Variants in GPM6A observed in about 807,000 individuals in gnomAD.
The protein encoded by GPM6A is glycoprotein M6A, also known as neuronal membrane glycoprotein M6-a.
Under a neutral mutation model 32.1 loss-of-function variants are expected in GPM6A, and 7 were observed. The ratio of observed to expected loss-of-function variants is 0.22; its 90% CI spans 0.12 to 0.41. The LOEUF is 0.41. Ranked by LOEUF, GPM6A falls within the 10% of genes least tolerant of loss-of-function variation. The pLI, the probability that GPM6A is intolerant of heterozygous loss-of-function variation, is 1.00. For synonymous variants in GPM6A, 130 were observed against 123.4 expected (o/e 1.05, Z -0.35); for missense variants, 235 against 347.2 (o/e 0.68, Z 2.57).
At chr4:175,663,359 C>T (rs1007625412) in intron 3 of GPM6A, among the ~76,000 whole-genome samples, 4 of 152,120 alleles carry the variant, frequency 2.6e-5, no homozygotes, top group Non-Finnish European at 2.9e-5. Flanking sequence ...TTAGTCCATG[C>T]TAAAAAGAAG....
chr4:175,846,154 T>G (rs569596709), intron 1 of GPM6A, among the ~76,000 whole-genome samples: 1 of 152,248 alleles, frequency 6.6e-6, no homozygotes, highest in East Asian at 1.9e-4. Context: ...CCAGTTTGCC[T>G]TATATTGAAA....
At chr4:175,651,339 A>G (rs779463207) in intron 4 of GPM6A, among the ~76,000 whole-genome samples, 17 of 147,496 alleles carry the variant, frequency 1.2e-4, no homozygotes, top group Non-Finnish European at 1.9e-4. Context: ...AAATAACCAA[A>G]GCAGACTCCT....
chr4:175,727,159 G>C (rs1310092788), intron 1 of GPM6A, among the ~76,000 whole-genome samples: 1 of 152,118 alleles, frequency 6.6e-6, no homozygotes, highest in African/African-American at 2.4e-5. Context: ...AGCACTAATT[G>C]ACATTATGTC....
intron 1 of GPM6A, among the ~76,000 whole-genome samples, chr4:175,795,453 T>C (rs79452040): frequency 0.02 from 3,079 of 152,208 alleles, 58 homozygotes; most frequent in Non-Finnish European, 0.031. Context: ...AAGATTACAT[T>C]ATAAAAGCAC....
chr4:175,731,190 C>T (rs1178492583), intron 1 of GPM6A, among the ~76,000 whole-genome samples: 1 of 152,138 alleles, frequency 6.6e-6, no homozygotes, highest in East Asian at 1.9e-4. Flanking sequence ...GCTTGGATTT[C>T]AAAACTCTTT....
intron 3 of GPM6A, among the ~76,000 whole-genome samples, chr4:175,664,905 C>T (rs192447539): frequency 6.6e-6 from 1 of 152,278 alleles, no homozygotes; most frequent in East Asian, 1.9e-4. Context: ...CTACTACAAA[C>T]CTATGCTACA....
intron 1 of GPM6A, among the ~76,000 whole-genome samples, chr4:175,739,716 T>A (rs962553057): frequency 5.9e-5 from 9 of 152,088 alleles, no homozygotes; most frequent in African/African-American, 2.2e-4. Flanking sequence ...AGTGACGTTT[T>A]GAAAATATTT....
rs935652800 is a variant in GPM6A, at chr4:175,888,597, T to A, written c.-22-76348A>T. On this transcript the variant is annotated intron_variant, in intron 1 of 7. Coordinates refer to the GPM6A transcript ENST00000280187. ...AATATATGAAAATAAAGATAATATG[T>A]AACATATTTAATAACTGTGCTTTGA... Among the ~76,000 whole-genome samples the A allele has an allele frequency of 2.0e-5, 3 of 152,082 alleles. No homozygotes were observed. In the South Asian group the frequency reaches 6.2e-4, roughly 31 times the overall value.
intron 1 of GPM6A, among the ~76,000 whole-genome samples, chr4:175,932,537 T>C (rs1390301717): frequency 1.3e-5 from 2 of 152,240 alleles, no homozygotes; most frequent in Non-Finnish European, 2.9e-5. Flanking sequence ...TTTATGGCTA[T>C]ACAAACAAAT....
intron 1 of GPM6A, among the ~76,000 whole-genome samples, chr4:175,884,410 T>C (rs1579595882): frequency 1.3e-5 from 2 of 152,302 alleles, no homozygotes; most frequent in African/African-American, 2.4e-5. Flanking sequence ...GTACAAATAG[T>C]GTCAGACTGT....
In GPM6A at chr4:175,821,601, A is replaced by G. The variant is rs114794743; in HGVS notation, c.-22-9352T>C. The stretch of plus-strand genomic sequence containing the variant: ...TTCCATGAACATGAGATCTCTTTCC[A>G]TATGTTGAGAACTTTTTTTCATATA... On this transcript the variant is annotated intron_variant, in intron 1 of 7. Coordinates refer to the GPM6A transcript ENST00000280187. Among the ~76,000 whole-genome samples the G allele has an allele frequency of 2.9e-3, 436 of 152,094 alleles. 4 individuals are homozygous for G. The highest frequency in any genetic ancestry group is 0.01 in the African/African-American group (420 of 41,544).
intron 1 of GPM6A, among the ~76,000 whole-genome samples, chr4:175,955,851 G>A (rs1349911636): frequency 6.6e-6 from 1 of 152,170 alleles, no homozygotes; most frequent in Non-Finnish European, 1.5e-5. Flanking sequence ...CTGGGGACAT[G>A]GTAGTATGCT....
intron 1 of GPM6A, among the ~76,000 whole-genome samples, chr4:175,707,517 T>C (rs1745265590): frequency 6.6e-6 from 1 of 152,236 alleles, no homozygotes; most frequent in Admixed American, 6.5e-5. Context: ...ATTTAGATAT[T>C]AATTTTTTAT....
At chr4:175,988,104 CCT>C (rs1462853120) in intron 1 of GPM6A, among the ~76,000 whole-genome samples, 1 of 152,090 alleles carries the variant, frequency 6.6e-6, no homozygotes, top group Non-Finnish European at 1.5e-5. Flanking sequence ...ATAGCTATCT[CCT>C]CTCTAAACAA....
At chr4:175,875,814 T>C (rs928073369) in intron 1 of GPM6A, among the ~76,000 whole-genome samples, 2 of 152,140 alleles carry the variant, frequency 1.3e-5, no homozygotes, top group African/African-American at 4.8e-5. Flanking sequence ...AACAGAAGCC[T>C]TGGAAACAAA....
chr4:175,949,823 C>A (rs1248021415), intron 1 of GPM6A, among the ~76,000 whole-genome samples: 2 of 152,188 alleles, frequency 1.3e-5, no homozygotes, highest in Non-Finnish European at 2.9e-5. Flanking sequence ...GTATTGTCAA[C>A]AGCTTGTTTA....
At chr4:175,918,322 G>A (rs1042368877) in intron 1 of GPM6A, among the ~76,000 whole-genome samples, 7 of 152,166 alleles carry the variant, frequency 4.6e-5, no homozygotes, top group African/African-American at 1.7e-4. Flanking sequence ...AGGTAATGGA[G>A]CTGATAAAGC....
chr4:175,752,629 C>G lies in GPM6A; in HGVS notation c.38-50862G>C, dbSNP rs1179319891. 2.0e-5 allele frequency among the ~76,000 whole-genome samples: 3 copies of G among 152,228 alleles called. No homozygotes were observed. In the East Asian group the frequency reaches 5.8e-4, roughly 29 times the overall value. The stretch of plus-strand genomic sequence containing the variant: ...AAGGTTGGTTTCAAGTCCTTGACTG[C>G]TAAGAATATCCACTTTTGACACATA... On this transcript the variant is annotated intron_variant, in intron 1 of 6. Transcript: ENST00000393658.
chr4:175,770,817 A>G (rs1453612125), intron 1 of GPM6A, among the ~76,000 whole-genome samples: 2 of 151,890 alleles, frequency 1.3e-5, no homozygotes, highest in African/African-American at 4.8e-5. Context: ...ACCTGTGTGG[A>G]CTGTTTTTAC....
Sources: gnomAD v4.1 joint callset for allele counts (sites outside exome capture counted in the v4.1 genomes callset) on GRCh38, gnomAD v4.1.1 for gene constraint, MANE v1.5 for transcripts, NCBI Gene and HGNC (gene_info 2026-07-23, HGNC 2026-07-21) for gene names.